Variants in PFKP observed in about 807,000 individuals in gnomAD.
The protein encoded by PFKP is ATP-dependent 6-phosphofructokinase, platelet type.
Under a neutral mutation model 94.3 loss-of-function variants are expected in PFKP, and 101 were observed. That is an observed-to-expected ratio of 1.07 (90% CI 0.91 to 1.26). The LOEUF (loss-of-function observed/expected upper bound fraction) is 1.26, where lower values mean the gene tolerates loss of function less well. Among genes scored for constraint, PFKP ranks in the 50% most tolerant of loss-of-function variants. PFKP has a pLI of 0.00. For missense variants in PFKP, 1,145 were observed against 1,103.3 expected (o/e 1.04, Z -0.53); for synonymous variants, 573 against 432.6 (o/e 1.32, Z -4.03).
At chr10:3,090,499 G>A (rs905974796) in intron 2 of PFKP, among the ~76,000 whole-genome samples, 3 of 152,278 alleles carry the variant, frequency 2.0e-5, no homozygotes, top group South Asian at 2.1e-4. Flanking sequence ...GTAGGGAAAC[G>A]GGGTCTGCAC....
chr10:3,090,134 T>C (rs1376078045), intron 2 of PFKP, among the ~76,000 whole-genome samples: 1 of 152,206 alleles, frequency 6.6e-6, no homozygotes, highest in Non-Finnish European at 1.5e-5. Flanking sequence ...TCAGTCTAAG[T>C]GGCCATCAGT....
chr10:3,104,852 G>C (rs549709888), intron 5 of PFKP: 182 of 552,610 alleles, frequency 3.3e-4, no homozygotes, highest in Admixed American at 1.3e-3. Context: ...CAGGCAGGCA[G>C]AAGGTGTCCA....
chr10:3,107,985 T>C (rs1198236065), intron 8 of PFKP: 13 of 1,289,730 alleles, frequency 1.0e-5, no homozygotes, highest in Non-Finnish European at 1.3e-5. Flanking sequence ...AGTCGGCTTC[T>C]TTATTGTGCT....
intron 2 of PFKP, among the ~76,000 whole-genome samples, chr10:3,092,393 G>A (rs1398857380): frequency 6.6e-6 from 1 of 152,050 alleles, no homozygotes; most frequent in Non-Finnish European, 1.5e-5. Context: ...GTGTGGACAG[G>A]AGGGGATGCA....
At chr10:3,107,835 C>G (rs1166257597) in intron 8 of PFKP, 1 of 1,267,918 alleles carries the variant, frequency 7.9e-7, no homozygotes, top group Non-Finnish European at 1.0e-6. Flanking sequence ...CTTGCTCAGG[C>G]CAGTGCCTGC....
At chr10:3,109,297 T>TGAC (rs1294695991) in intron 9 of PFKP, 58 bp from the exon 10 acceptor site, 1 of 1,598,708 alleles carries the variant, frequency 6.3e-7, no homozygotes, top group Non-Finnish European at 8.5e-7. Flanking sequence ...AGATAGGAGG[T>TGAC]GACAGGGACA....
chr10:3,120,170 CT>C lies in PFKP; in HGVS notation c.1683+133del, dbSNP rs367808622. 1.7e-3 allele frequency: 1,276 copies of C among 765,856 alleles called. 9 individuals are homozygous for C. Among genetic ancestry groups the C allele is most frequent in the Middle Eastern group, 0.012 (35 of 2,840 alleles). 47.4% of individuals were successfully genotyped at this position (765,856 alleles called of 1,614,324 possible). A position where few individuals can be genotyped will look rare whatever the true frequency, so the allele number is the denominator to read the frequency against. On this transcript the variant is annotated intron_variant, in intron 16 of 21. Coordinates refer to ENST00000381125, the MANE Select transcript of PFKP (RefSeq NM_002627.5). ...ATACCCTGAATGAGAGCTTCTCGTT[CT>C]TTTTTTCCCCCAGAAAAGTATGTTT...
At chr10:3,093,769 G>A (rs970537325) in intron 2 of PFKP, among the ~76,000 whole-genome samples, 2 of 146,784 alleles carry the variant, frequency 1.4e-5, no homozygotes, top group Non-Finnish European at 3.0e-5. Context: ...TCAGCCTCCC[G>A]AGCAGCTGGG....
intron 2 of PFKP, among the ~76,000 whole-genome samples, chr10:3,083,080 A>G (rs1025380545): frequency 6.6e-6 from 1 of 152,146 alleles, no homozygotes; most frequent in Non-Finnish European, 1.5e-5. Context: ...AATGATCTCT[A>G]ATTGGTTGTA....
rs1834912037 is a variant in PFKP at position 3,100,777 on chromosome 10, T to C, written c.265-588T>C. On this transcript the variant is annotated intron_variant, in intron 3 of 21. Coordinates refer to ENST00000381125, the MANE Select transcript of PFKP (RefSeq NM_002627.5). ...TTGGAAAACCAAGTGTGACGAATCA[T>C]GATCTATGTCCCCTGGAAGTTTGGA... 2.3e-5 allele frequency: 13 copies of C among 557,174 alleles called. No homozygotes were observed. In the Middle Eastern group the frequency reaches 3.6e-3, roughly 156 times the overall value. 34.5% of individuals were successfully genotyped at this position (557,174 alleles called of 1,614,324 possible).
intron 1 of PFKP, among the ~76,000 whole-genome samples, chr10:3,077,186 C>G (rs1197036496): frequency 1.3e-5 from 2 of 151,606 alleles, no homozygotes; most frequent in Non-Finnish European, 2.9e-5. Context: ...CTTTATTACT[C>G]CAGACAATGG....
chr10:3,133,160 C>A, intron 18 of PFKP, 43 bp from the exon 19 acceptor site: 1 of 1,431,602 alleles, frequency 7.0e-7, no homozygotes, highest in African/African-American at 1.4e-5. Flanking sequence ...AGCCACGTGC[C>A]CACTGCACGC....
intron 2 of PFKP, among the ~76,000 whole-genome samples, chr10:3,093,923 G>C (rs566751563): frequency 6.6e-6 from 1 of 152,154 alleles, no homozygotes; most frequent in Non-Finnish European, 1.5e-5. Context: ...GATTACAGGC[G>C]TGAGCCACCG....
chr10:3,115,356 A>AGGACAGGACTGGGGATGCCGGG (rs1564327154), intron 13 of PFKP, among the ~76,000 whole-genome samples: 1 of 45,782 alleles, frequency 2.2e-5, no homozygotes, highest in African/African-American at 8.8e-5. Context: ...GGGATGCTGG[A>AGGACAGGACTGGGGATGCCGGG]GTGAAGGTGT....
intron 1 of PFKP, among the ~76,000 whole-genome samples, chr10:3,076,098 C>A (rs1832568627): frequency 6.8e-6 from 1 of 147,050 alleles, no homozygotes; most frequent in Non-Finnish European, 1.5e-5. Flanking sequence ...ATTTTGATAA[C>A]AATCAATTAT....
intron 4 of PFKP, 142 bp downstream of exon 4, chr10:3,101,696 C>G: frequency 1.7e-6 from 1 of 584,320 alleles, no homozygotes; most frequent in Non-Finnish European, 2.9e-6. Context: ...TTTTTAGGAT[C>G]TCAAAAAACA....
chr10:3,132,263 C>A, intron 17 of PFKP, 117 bp from the exon 18 acceptor site: 1 of 708,900 alleles, frequency 1.4e-6, no homozygotes. Context: ...AGAGCTGCAG[C>A]CTCCTTGGCC....
chr10:3,113,270 C>T (rs1588505134), intron 12 of PFKP, 82 bp downstream of exon 12: 5 of 1,573,852 alleles, frequency 3.2e-6, no homozygotes, highest in Non-Finnish European at 4.3e-6. Flanking sequence ...ATGAGGCCAC[C>T]TGTTTTCAGG....
chr10:3,127,112 C>CG (rs1564348036), intron 16 of PFKP, among the ~76,000 whole-genome samples: 1 of 152,246 alleles, frequency 6.6e-6, no homozygotes, highest in African/African-American at 2.4e-5. Flanking sequence ...GAGGCACGGC[C>CG]GGAGTGACTT....
Sources: gnomAD v4.1 joint callset for allele counts (sites outside exome capture counted in the v4.1 genomes callset) on GRCh38, gnomAD v4.1.1 for gene constraint, MANE v1.5 for transcripts, NCBI Gene and HGNC (gene_info 2026-07-23, HGNC 2026-07-21) for gene names.